The following HECTD4 variants were observed in gnomAD, a reference collection of about 807,000 sequenced individuals.
HECTD4 encodes HECT domain E3 ubiquitin protein ligase 4, also known as probable E3 ubiquitin-protein ligase HECTD4.
Under a neutral mutation model 471.5 loss-of-function variants are expected in HECTD4, and 114 were observed. The ratio of observed to expected loss-of-function variants is 0.24; its 90% CI spans 0.21 to 0.28. HECTD4 has a LOEUF of 0.28. Ranked by LOEUF, HECTD4 falls within the 10% of genes least tolerant of loss-of-function variation. The pLI is 1.00. For missense variants in HECTD4, 3,866 were observed against 5,651.5 expected (o/e 0.68, Z 10.13); for synonymous variants, 2,012 against 2,256.0 (o/e 0.89, Z 3.07).
In HECTD4 at chr12:112,171,899, G is replaced by A. The variant is rs2031235569; in HGVS notation, c.11786-636C>T. On this transcript the variant is annotated intron_variant, in intron 67 of 75. Transcript: ENST00000682272. ...TGGGAATTAACAATTTATTTTTTGT[G>A]TGCAATCCTAGTTTTTTTTTGGAGA... Among the ~76,000 whole-genome samples the A allele has an allele frequency of 2.6e-5, 4 of 152,176 alleles. 1 individual carries two copies. Among genetic ancestry groups the A allele is most frequent in the Admixed American group, 6.5e-5 (1 of 15,276 alleles).
intron 68 of HECTD4, chr12:112,170,715 A>C: frequency 2.0e-6 from 1 of 497,806 alleles, no homozygotes; most frequent in South Asian, 3.0e-5. Flanking sequence ...CCTATTTTTA[A>C]TTTAAAAAAA....
rs1321846320 is a variant in HECTD4, at chr12:112,239,733, C to G, written c.5105+148G>C. ...AATAATAAGAAATTTACATAGGAAC[C>G]TTAAGTGTCTTTCAGGAGAAAAGTT... is the stretch of plus-strand genomic sequence containing the variant. On this transcript the variant is annotated intron_variant, in intron 33 of 75. Coordinates refer to ENST00000682272, the MANE Select transcript of HECTD4 (RefSeq NM_001388303.1). This position sits in a 1 kb window ranked among gnomAD's most constrained non-coding sequence, Gnocchi z 4.9. 2 of 599,828 alleles carry G rather than the reference C, an allele frequency of 3.3e-6. No individual in the cohort carries two copies. The highest frequency in any genetic ancestry group is 3.7e-5 in the African/African-American group (2 of 54,646). The allele number at this position is 599,828 out of a possible 1,614,324, so 37.2% of individuals were successfully genotyped here.
chr12:112,294,206 A>G (rs988378106), intron 7 of HECTD4, among the ~76,000 whole-genome samples: 7 of 152,174 alleles, frequency 4.6e-5, no homozygotes, highest in African/African-American at 1.7e-4. Context: ...AGCACTTATC[A>G]ATACTCCTAA....
In HECTD4 at chr12:112,228,048, C is replaced by T. The variant is rs1436930785; in HGVS notation, c.6854+41G>A. The T allele has an allele frequency of 1.3e-6, 2 of 1,532,790 alleles. No individual in the cohort carries two copies. Among genetic ancestry groups the T allele is most frequent in the Non-Finnish European group, 8.8e-7 (1 of 1,142,346 alleles). 94.9% of individuals were successfully genotyped at this position (1,532,790 alleles called of 1,614,324 possible). A position where few individuals can be genotyped will look rare whatever the true frequency, so the allele number is the denominator to read the frequency against. On this transcript the variant is annotated intron_variant, in intron 43 of 75. Coordinates refer to ENST00000682272, the MANE Select transcript of HECTD4 (RefSeq NM_001388303.1). This position sits in a 1 kb window ranked among gnomAD's most constrained non-coding sequence, Gnocchi z 4.9. ...AAGGATCCCTTCTTCTGTCAGCTTG[C>T]ACCATGTCAGCACATAAGGCAATGT...
intron 55 of HECTD4, among the ~76,000 whole-genome samples, chr12:112,196,349 G>A (rs1179695091): frequency 6.6e-6 from 1 of 152,114 alleles, no homozygotes; most frequent in African/African-American, 2.4e-5. Context: ...AAACTACATC[G>A]TAGGTGGTTT....
Position 112,228,698 on chromosome 12 carries a change from C to T in HECTD4, c.6633G>A (p.Ala2211=), listed in dbSNP as rs771195183. Residue 2211 remains alanine (A), a synonymous_variant, in exon 42 of 76, where the codon GCG becomes GCA. Transcript: ENST00000682272. This position sits in a 1 kb window ranked among gnomAD's most constrained non-coding sequence, Gnocchi z 4.9. Reference sequence around the variant, plus strand: ...ACAATGGAATAGTCAATGTGTCTGACGCTTGCGAAGTCTTTCTACAGTCTA... The same window carrying T: ...ACAATGGAATAGTCAATGTGTCTGATGCTTGCGAAGTCTTTCTACAGTCTA... ...PPIDCRKTSQ[A]SDTLTIPLSR... 3.4e-5 allele frequency: 55 copies of T among 1,613,290 alleles called. No individual in the cohort carries two copies. The highest frequency in any genetic ancestry group is 8.9e-5 in the East Asian group (4 of 44,890).
chr12:112,175,957 C>T, intron 65 of HECTD4, 98 bp from the exon 66 acceptor site: 1 of 1,452,378 alleles, frequency 6.9e-7, no homozygotes, highest in Non-Finnish European at 9.4e-7. Context: ...CCCCTACGGC[C>T]CAACCCATCT....
At chr12:112,223,733 T>C (rs1364406420) in intron 44 of HECTD4, among the ~76,000 whole-genome samples, 1 of 152,102 alleles carries the variant, frequency 6.6e-6, no homozygotes, top group Non-Finnish European at 1.5e-5. Flanking sequence ...AGGAATATTT[T>C]TTCAAGGAAA....
chr12:112,364,548 G>T (rs1171599009), intron 1 of HECTD4, among the ~76,000 whole-genome samples: 1 of 152,104 alleles, frequency 6.6e-6, no homozygotes, highest in Non-Finnish European at 1.5e-5. Context: ...TGAACAACAT[G>T]ATGAAACCCC....
chr12:112,360,670 CCAA>C (rs2036432239), intron 1 of HECTD4, among the ~76,000 whole-genome samples: 1 of 152,116 alleles, frequency 6.6e-6, no homozygotes, highest in African/African-American at 2.4e-5. Context: ...GCAAAAATAA[CCAA>C]CAACATTATT....
At chr12:112,168,409 A>C (rs914015402) in intron 70 of HECTD4, among the ~76,000 whole-genome samples, 4 of 152,146 alleles carry the variant, frequency 2.6e-5, no homozygotes, top group Non-Finnish European at 5.9e-5. Flanking sequence ...CAAATGTGTG[A>C]ATGTGCAAAG....
rs758183704 is a variant in HECTD4, at chr12:112,185,258, G to A, written c.9708C>T (p.Cys3236=). Residue 3236 remains cysteine, a synonymous_variant, in exon 61 of 76, where the codon TGC becomes TGT. Coordinates refer to ENST00000682272, the MANE Select transcript of HECTD4 (RefSeq NM_001388303.1). ...ETQNWVSGGA[C]GGSGGAAAGD... ...CGGCCGCCGCCCCCCCGGAGCCCCC[G>A]CAGGCGCCGCCTGAGACCCAGTTCT... 60 of 1,549,744 alleles carry A rather than the reference G, an allele frequency of 3.9e-5. No individual in the cohort carries two copies. The South Asian group carries it at 5.4e-4, about 14-fold the overall frequency.
Position 112,169,609 on chromosome 12 carries a change from C to A in HECTD4, c.12102G>T (p.Gln4034His), listed in dbSNP as rs1157397069. 2 of 1,613,486 alleles carry A rather than the reference C, an allele frequency of 1.2e-6. No homozygotes were observed. The highest frequency in any genetic ancestry group is 1.1e-5 in the South Asian group (1 of 91,094). Reference protein sequence around the residue: ...ENSYFCQAARQLASVPSSQLC... With the variant: ...ENSYFCQAARHLASVPSSQLC... The stretch of plus-strand genomic sequence containing the variant: ...GCTGAGACGACGGCACTGAGGCCAG[C>A]TGCCTGGCAGCCTGACAGAAGTAGG... The change falls in exon 70 of 76, where the codon CAG (glutamine) becomes CAT (histidine). Residue 4034 changes from glutamine (Q) to histidine (H), a missense_variant. Around this residue, in one of 16 missense-constraint regions of HECTD4, gnomAD observed 715 missense variants for 1,087.6 expected, o/e 0.66. Transcript: ENST00000682272.
chr12:112,167,866 G>T lies in HECTD4; in HGVS notation c.12260C>A (p.Ser4087Tyr). ...LWQVCKELQS[S>Y]SLSLLLLCPS... ...GCACAGCAGCAGCAGCGACAGCGAG[G>T]AACTCTGCAGCTCCTTACACACCTG... The change falls in exon 71 of 76, where the codon TCC becomes TAC. Residue 4087 changes from serine to tyrosine, a missense_variant. Physicochemically the swap from Ser to Tyr is moderately radical, Grantham distance 144. Coordinates refer to ENST00000682272, the MANE Select transcript of HECTD4 (RefSeq NM_001388303.1). 1 of 1,613,628 alleles carries T rather than the reference G, an allele frequency of 6.2e-7. No homozygotes were observed. Among genetic ancestry groups the T allele is most frequent in the South Asian group, 1.1e-5 (1 of 91,084 alleles).
Position 112,193,605 on chromosome 12 carries a change from C to T in HECTD4, c.8819G>A (p.Cys2940Tyr), listed in dbSNP as rs1276159927. ...SLQHCIHSQNCSATDLFYQGN... is the reference protein window; with the variant it reads ...SLQHCIHSQNYSATDLFYQGN... Reference sequence around the variant, plus strand: ...CTGGTAAAAGAGGTCCGTGGCGGAGCAGTTCTGGGAATGGATGCAATGCTG... The same window carrying T: ...CTGGTAAAAGAGGTCCGTGGCGGAGTAGTTCTGGGAATGGATGCAATGCTG... Residue 2940 changes from cysteine to tyrosine, a missense_variant, in exon 57 of 76, where the codon TGC (cysteine) becomes TAC (tyrosine). Transcript: ENST00000682272. This position sits in a 1 kb window ranked among gnomAD's most constrained non-coding sequence, Gnocchi z 5.2. The T allele has an allele frequency of 6.2e-7, 1 of 1,613,116 alleles. No homozygotes were observed. Among genetic ancestry groups the T allele is most frequent in the Admixed American group, 1.7e-5 (1 of 59,896 alleles).
chr12:112,175,277 C>A (rs2031395299), intron 66 of HECTD4, among the ~76,000 whole-genome samples: 1 of 152,186 alleles, frequency 6.6e-6, no homozygotes, highest in Admixed American at 6.5e-5. Flanking sequence ...GGCTCCTAAT[C>A]CAACAGGACT....
At chr12:112,334,422 GA>G (rs2035902662) in intron 1 of HECTD4, among the ~76,000 whole-genome samples, 2 of 151,208 alleles carry the variant, frequency 1.3e-5, no homozygotes, top group Non-Finnish European at 3.0e-5. Flanking sequence ...ACAAACATAT[GA>G]AAAAATGCTC....
At chr12:112,170,106 C>T in intron 69 of HECTD4, 1 of 604,646 alleles carries the variant, frequency 1.7e-6, no homozygotes, top group Non-Finnish European at 2.9e-6. Flanking sequence ...CCACCTGACC[C>T]CATGCAGCTG....
intron 1 of HECTD4, among the ~76,000 whole-genome samples, chr12:112,367,099 C>G (rs544615931): frequency 6.7e-6 from 1 of 148,628 alleles, no homozygotes; most frequent in Non-Finnish European, 1.5e-5. Context: ...GTCAGGAGTA[C>G]GAGACCCGTC....
Sources: allele counts gnomAD v4.1 joint callset (sites outside exome capture counted in the v4.1 genomes callset), GRCh38; gene constraint gnomAD v4.1.1; regional missense constraint gnomAD v4.1.1; non-coding constraint Gnocchi (gnomAD v3.1); transcripts MANE v1.5; gene names NCBI Gene and HGNC (gene_info 2026-07-23, HGNC 2026-07-21).